SLC35A3: variants seen among roughly 807,000 people sequenced by gnomAD.
SLC35A3 encodes the protein solute carrier family 35 member A3.
SLC35A3 carries 26 observed loss-of-function variants against 39.0 expected under a neutral mutation model. The observed-to-expected ratio is 0.67, with a 90% CI of 0.49 to 0.92. SLC35A3 has a LOEUF of 0.92. SLC35A3 is among the 40% of genes least tolerant of loss of function. The pLI is 0.00. For synonymous variants in SLC35A3, 135 were observed against 133.1 expected (o/e 1.01, Z -0.10); for missense variants, 299 against 371.6 (o/e 0.80, Z 1.61).
intron 2 of SLC35A3, among the ~76,000 whole-genome samples, chr1:99,994,409 C>T (rs966865177): frequency 5.3e-5 from 8 of 151,874 alleles, no homozygotes; most frequent in African/African-American, 1.9e-4. Context: ...AATTTTGTAT[C>T]ACTTTAAACA....
chr1:99,979,494 C>T (rs1310618066), intron 1 of SLC35A3, among the ~76,000 whole-genome samples: 2 of 148,530 alleles, frequency 1.3e-5, no homozygotes, highest in Non-Finnish European at 3.0e-5. Context: ...AGTGCAGTGG[C>T]GTGATCTCGG....
chr1:100,003,149 C>T (rs1432874767), intron 3 of SLC35A3, among the ~76,000 whole-genome samples: 1 of 152,000 alleles, frequency 6.6e-6, no homozygotes, highest in African/African-American at 2.4e-5. Flanking sequence ...GGCACAGTGG[C>T]TCACGCCTGT....
At chr1:99,982,171 A>T (rs1657495229) in intron 1 of SLC35A3, among the ~76,000 whole-genome samples, 1 of 151,566 alleles carries the variant, frequency 6.6e-6, no homozygotes, top group Admixed American at 6.6e-5. Context: ...TGTCCAGCTA[A>T]TTTTTTGTAT....
In SLC35A3 at chr1:100,027,231, C is replaced by T. The variant is rs568768663; in HGVS notation, c.*4755C>T. On this transcript the variant is annotated 3_prime_UTR_variant, in exon 8 of 8. Coordinates refer to ENST00000533028, the MANE Select transcript of SLC35A3 (RefSeq NM_012243.3). ...CTTTAGGAAGCCAAGGCAGAAGAAT[C>T]GCTTGAGCCCATGAATTTGAGGCCA... The T allele has an allele frequency of 2.5e-5, 10 of 398,502 alleles. No individual in the cohort carries two copies. The highest frequency in any genetic ancestry group is 1.2e-4 in the African/African-American group (6 of 48,728). 24.7% of individuals were successfully genotyped at this position (398,502 alleles called of 1,614,324 possible). A position where few individuals can be genotyped will look rare whatever the true frequency, so the allele number is the denominator to read the frequency against.
chr1:100,022,433 A>G lies in SLC35A3; in HGVS notation c.935A>G (p.Tyr312Cys). ...CTTGTAATAACAGCTACTTTTTTGT[A>G]TGGTTATGATCCCAAACCTGCAGGA... ...AILVITATFL[Y>C]GYDPKPAGNP... Residue 312 changes from tyrosine (Y) to cysteine (C), a missense_variant, in exon 8 of 8, where the codon TAT (tyrosine) becomes TGT (cysteine). Coordinates refer to ENST00000533028, the MANE Select transcript of SLC35A3 (RefSeq NM_012243.3). 6.2e-7 allele frequency: 1 copy of G among 1,606,820 alleles called. No individual in the cohort carries two copies. Among genetic ancestry groups the G allele is most frequent in the Non-Finnish European group, 8.5e-7 (1 of 1,174,540 alleles).
intron 4 of SLC35A3, chr1:100,007,485 C>T (rs1040577025): frequency 1.8e-5 from 3 of 171,278 alleles, no homozygotes; most frequent in East Asian, 1.7e-4. Flanking sequence ...TATTTTCTAT[C>T]GGCTTCACAA....
At chr1:99,971,735 T>G (rs911651440) in intron 1 of SLC35A3, among the ~76,000 whole-genome samples, 7 of 152,190 alleles carry the variant, frequency 4.6e-5, no homozygotes, top group African/African-American at 1.7e-4. Context: ...CCTGTCAGCC[T>G]TGGTGTTTGC....
intron 1 of SLC35A3, among the ~76,000 whole-genome samples, chr1:99,990,899 TGA>T (rs1658043503): frequency 6.6e-6 from 1 of 152,084 alleles, no homozygotes; most frequent in Non-Finnish European, 1.5e-5. Flanking sequence ...TTCTGCCATG[TGA>T]GGATACAATG....
At chr1:99,979,992 C>T (rs1429726800) in intron 1 of SLC35A3, among the ~76,000 whole-genome samples, 1 of 151,498 alleles carries the variant, frequency 6.6e-6, no homozygotes, top group African/African-American at 2.4e-5. Flanking sequence ...TGCAGTGAGC[C>T]GAGATCACAC....
chr1:100,006,511 G>C (rs1028252264), intron 3 of SLC35A3, among the ~76,000 whole-genome samples: 1 of 152,144 alleles, frequency 6.6e-6, no homozygotes, highest in Non-Finnish European at 1.5e-5. Flanking sequence ...GCCCCAGTTT[G>C]TGTGCATGGG....
rs759486973 is a variant in SLC35A3 at position 100,035,307 on chromosome 1, T to G, written c.*12831T>G. 3 of 152,354 alleles carry G rather than the reference T, an allele frequency of 2.0e-5. No homozygotes were observed. The East Asian group carries it at 5.8e-4, about 29-fold the overall frequency. The allele number at this position is 152,354 out of a possible 1,614,324, so 9.4% of individuals were successfully genotyped here. On this transcript the variant is annotated 3_prime_UTR_variant, in exon 8 of 8. Transcript: ENST00000533028. ...AAAAATATTTTTATTCTGAGGATAG[T>G]TGAATCCACAGGATACTGAGGGCCA...
chr1:99,982,180 A>G (rs1157982910), intron 1 of SLC35A3, among the ~76,000 whole-genome samples: 1 of 151,272 alleles, frequency 6.6e-6, no homozygotes, highest in Non-Finnish European at 1.5e-5. Context: ...AATTTTTTGT[A>G]TTTTTAGTAG....
intron 1 of SLC35A3, among the ~76,000 whole-genome samples, chr1:99,987,003 T>G (rs1657782084): frequency 6.6e-6 from 1 of 152,224 alleles, no homozygotes. Flanking sequence ...TTGTTTGACA[T>G]TTTCCAGGAG....
chr1:100,021,583 T>C (rs1487145077), intron 7 of SLC35A3, among the ~76,000 whole-genome samples: 2 of 151,852 alleles, frequency 1.3e-5, no homozygotes, highest in African/African-American at 4.8e-5. Context: ...TGAGCTGGGA[T>C]TGCTTGAACC....
At position 99,999,325 on chromosome 1, in the gene SLC35A3, A is replaced by T. The variant is rs760512680; in HGVS notation, c.252A>T (p.Thr84=). ...HDEILNKPME[T]LKLAIPSGIY... Reference sequence around the variant, plus strand: ...AAATTCTTAATAAACCTATGGAAACACTTAAACTTGCTATTCCATCAGGGA... The same window carrying T: ...AAATTCTTAATAAACCTATGGAAACTCTTAAACTTGCTATTCCATCAGGGA... The change falls in exon 3 of 8, where the codon ACA becomes ACT. Residue 84 remains threonine (T), a synonymous_variant. Transcript: ENST00000533028. 6.3e-7 allele frequency: 1 copy of T among 1,599,524 alleles called. No individual in the cohort carries two copies. The highest frequency in any genetic ancestry group is 1.7e-5 in the Admixed American group (1 of 58,096).
chr1:100,011,151 T>G (rs981991329), intron 4 of SLC35A3, among the ~76,000 whole-genome samples: 4 of 152,224 alleles, frequency 2.6e-5, no homozygotes, highest in African/African-American at 9.6e-5. Flanking sequence ...TTATTATTTC[T>G]AAGGTGCTTT....
intron 3 of SLC35A3, among the ~76,000 whole-genome samples, chr1:100,006,295 G>A (rs982501425): frequency 1.3e-5 from 2 of 152,274 alleles, no homozygotes; most frequent in South Asian, 2.1e-4. Flanking sequence ...GTGGGTCCAG[G>A]TGGCTGGTCC....
chr1:100,018,604 A>G (rs1052178971), intron 7 of SLC35A3, among the ~76,000 whole-genome samples: 3 of 152,122 alleles, frequency 2.0e-5, no homozygotes, highest in Non-Finnish European at 4.4e-5. Context: ...ATCGTAGCCC[A>G]CTGCAGCTTC....
At chr1:99,999,728 T>G (rs545613914) in intron 3 of SLC35A3, among the ~76,000 whole-genome samples, 1 of 152,252 alleles carries the variant, frequency 6.6e-6, no homozygotes, top group Admixed American at 6.5e-5. Flanking sequence ...AATCTTTCTT[T>G]ATTCCTCCCC....
Sources: gnomAD v4.1 joint callset for allele counts (sites outside exome capture counted in the v4.1 genomes callset) on GRCh38, gnomAD v4.1.1 for gene constraint, MANE v1.5 for transcripts, NCBI Gene and HGNC (gene_info 2026-07-23, HGNC 2026-07-21) for gene names.